AMZ1: variants seen among roughly 807,000 people sequenced by gnomAD.
AMZ1 encodes archaelysin family metallopeptidase 1, also known as archaemetzincin-1.
AMZ1 carries 39 observed loss-of-function variants against 29.9 expected under a neutral mutation model. That is an observed-to-expected ratio of 1.30 (90% CI 1.01 to 1.70). The LOEUF is 1.70. AMZ1 is among the 40% of genes most tolerant of loss of function. The pLI, the probability that AMZ1 is intolerant of heterozygous loss-of-function variation, is 0.00. For synonymous variants in AMZ1, 458 were observed against 304.0 expected, an observed-to-expected ratio of 1.51 and a Z score of -5.27; for missense variants, 1,041 against 680.6, an observed-to-expected ratio of 1.53 and a Z score of -5.89.
At chr7:2,703,127 G>C (rs1271219593) in intron 3 of AMZ1, among the ~76,000 whole-genome samples, 1 of 152,184 alleles carries the variant, frequency 6.6e-6, no homozygotes, top group East Asian at 1.9e-4. Flanking sequence ...AGCATGCAGA[G>C]CAGGAGAAGC....
At chr7:2,709,546 AG>A in intron 5 of AMZ1, 93 bp from the exon 6 acceptor site, 1 of 1,511,340 alleles carries the variant, frequency 6.6e-7, no homozygotes, top group Non-Finnish European at 8.8e-7. Context: ...GGCCTCACCC[AG>A]GTCCTCATTT....
At chr7:2,743,315 G>A (rs1790601586) in intron 4 of AMZ1, among the ~76,000 whole-genome samples, 1 of 152,176 alleles carries the variant, frequency 6.6e-6, no homozygotes, top group South Asian at 2.1e-4. Flanking sequence ...TTAGATGGAT[G>A]AACAGAACAG....
upstream of AMZ1, among the ~76,000 whole-genome samples, chr7:2,761,533 G>C (rs539828598): frequency 1.1e-3 from 169 of 152,316 alleles, no homozygotes; most frequent in African/African-American, 3.4e-3. Context: ...AGCTGGAACG[G>C]ACAGCATCGC....
intron 4 of AMZ1, among the ~76,000 whole-genome samples, chr7:2,739,552 CTT>C (rs1790393798): frequency 6.6e-6 from 1 of 152,166 alleles, no homozygotes; most frequent in Admixed American, 6.5e-5. Context: ...TTGATGAACA[CTT>C]TGTTTCCAGT....
At chr7:2,727,786 G>A (rs1583197183) in intron 4 of AMZ1, among the ~76,000 whole-genome samples, 1 of 152,128 alleles carries the variant, frequency 6.6e-6, no homozygotes, top group East Asian at 1.9e-4. Context: ...GGTGGCTCAT[G>A]CCTGTAATCC....
intron 4 of AMZ1, among the ~76,000 whole-genome samples, chr7:2,735,005 G>A (rs1358795665): frequency 6.6e-6 from 1 of 152,190 alleles, no homozygotes; most frequent in Non-Finnish European, 1.5e-5. Context: ...GAGGCCGGTG[G>A]GGCAGCCGCC....
At chr7:2,701,182 G>A (rs1002969842) in intron 2 of AMZ1, among the ~76,000 whole-genome samples, 5 of 152,004 alleles carry the variant, frequency 3.3e-5, no homozygotes, top group African/African-American at 1.2e-4. Flanking sequence ...AGTGAGCTGA[G>A]ATCATGCCAC....
At position 2,700,408 on chromosome 7, in the gene AMZ1, A is replaced by T; in HGVS notation, c.-44A>T. 2 of 1,571,430 alleles carry T rather than the reference A, an allele frequency of 1.3e-6. No homozygotes were observed. Among genetic ancestry groups the T allele is most frequent in the Non-Finnish European group, 1.7e-6 (2 of 1,163,858 alleles). ...GCCGTCCCCCGGGTGGCCCATGGAC[A>T]GCAGCAGGGGCTCCCAGGAGTGGCC... On this transcript the variant is annotated 5_prime_UTR_variant, in exon 2 of 7. Coordinates refer to ENST00000683327, the MANE Select transcript of AMZ1 (RefSeq NM_001384743.1).
In AMZ1 at chr7:2,708,622, AG is replaced by A. The variant is rs761516408; in HGVS notation, c.511del (p.Asp171ThrfsTer57). The A allele has an allele frequency of 6.2e-7, 1 of 1,613,056 alleles. No homozygotes were observed. Among genetic ancestry groups the A allele is most frequent in the South Asian group, 1.1e-5 (1 of 91,086 alleles). ...ILSFLKNNKP[G>X]DALCVLGLTL... Reference sequence around the variant, plus strand: ...TGTCCTTCTTGAAGAACAACAAGCCAGGGGACGCGCTGTGTGTGCTGGGCCT... The same window carrying A: ...TGTCCTTCTTGAAGAACAACAAGCCAGGGACGCGCTGTGTGTGCTGGGCCT... On this transcript the variant is annotated frameshift_variant, in exon 4 of 7. Transcript: ENST00000683327. LOFTEE classifies it high-confidence loss of function.
rs533616803 is a variant in AMZ1 at position 2,708,631 on chromosome 7, G to T, written c.516G>T (p.Ala172=). 3 of 1,613,058 alleles carry T rather than the reference G, an allele frequency of 1.9e-6. No individual in the cohort carries two copies. The highest frequency in any genetic ancestry group is 2.2e-5 in the South Asian group (2 of 91,082). ...TGAAGAACAACAAGCCAGGGGACGC[G>T]CTGTGTGTGCTGGGCCTCACACTGT... ...SFLKNNKPGD[A]LCVLGLTLSD... is the part of the protein sequence containing the mutation. The change falls in exon 4 of 7, where the codon GCG becomes GCT. Residue 172 remains alanine (A), a synonymous_variant. Transcript: ENST00000683327.
At position 2,719,197 on chromosome 7, in the gene AMZ1, G is replaced by A. The variant is rs1789307476; in HGVS notation, c.*6319G>A. Among the ~76,000 whole-genome samples the A allele has an allele frequency of 6.6e-6, 1 of 152,166 alleles. No individual in the cohort carries two copies. Among genetic ancestry groups the A allele is most frequent in the South Asian group, 2.1e-4 (1 of 4,822 alleles). On this transcript the variant is annotated 3_prime_UTR_variant, in exon 7 of 7. Transcript: ENST00000683327. The stretch of plus-strand genomic sequence containing the variant: ...CCAACCCAACTCCTCCGACAGAACG[G>A]CAGGTGGCCCCTGTCGGAAGGGGGG...
chr7:2,754,582 TA>T (rs34822125), intron 4 of AMZ1, among the ~76,000 whole-genome samples: 45,744 of 143,304 alleles, frequency 0.32, 6,954 homozygotes, highest in Middle Eastern at 0.41. Flanking sequence ...ATCTCTACTT[TA>T]AAAAAAAAAA....
chr7:2,716,350 T>G lies in AMZ1; in HGVS notation c.*3472T>G, dbSNP rs1789122011. ...GAGTGGGGAGAGGGGAGAAGCAGCA[T>G]CCTGACTCCTGTCCATGGTGTGAAC... On this transcript the variant is annotated 3_prime_UTR_variant, in exon 7 of 7. Coordinates refer to ENST00000683327, the MANE Select transcript of AMZ1 (RefSeq NM_001384743.1). 1 of 152,182 alleles carries G rather than the reference T, an allele frequency of 6.6e-6. No homozygotes were observed. The highest frequency in any genetic ancestry group is 2.4e-5 in the African/African-American group (1 of 41,408). The allele number at this position is 152,182 out of a possible 1,614,324, so 9.4% of individuals were successfully genotyped here.
chr7:2,731,654 T>A lies in AMZ1; in HGVS notation n.550+21838T>A, dbSNP rs769392159. The A allele has an allele frequency of 6.2e-7, 1 of 1,612,744 alleles. No individual in the cohort carries two copies. ...GACCGCTGGCCGCCCACATCCACCA[T>A]CTTAAAGGGGATCTTCTTAATAACG... is the stretch of plus-strand genomic sequence containing the variant. On this transcript the variant is annotated intron_variant and non_coding_transcript_variant, in intron 4 of 4. Transcript: ENST00000489665. This position sits in a 1 kb window ranked among gnomAD's most constrained non-coding sequence, Gnocchi z 6.0.
intron 4 of AMZ1, among the ~76,000 whole-genome samples, chr7:2,748,214 C>T (rs1363700373): frequency 6.6e-6 from 1 of 150,894 alleles, no homozygotes; most frequent in African/African-American, 2.4e-5. Flanking sequence ...CAATCCTAAG[C>T]CAAAAGAACA....
chr7:2,728,142 T>G (rs865894136), intron 4 of AMZ1: 2 of 152,264 alleles, frequency 1.3e-5, no homozygotes, highest in African/African-American at 4.8e-5. Flanking sequence ...TTTATTTTAA[T>G]AAACATTCAG....
intron 4 of AMZ1, among the ~76,000 whole-genome samples, chr7:2,745,841 G>C (rs1430075186): frequency 6.6e-6 from 1 of 152,106 alleles, no homozygotes; most frequent in Non-Finnish European, 1.5e-5. Flanking sequence ...CAAGCAAATG[G>C]AAAACAGAAA....
chr7:2,718,965 T>C lies in AMZ1; in HGVS notation c.*6087T>C, dbSNP rs879827628. The stretch of plus-strand genomic sequence containing the variant: ...GCTCCGGCCATTTATTCCAAATGTA[T>C]GAGCAGGAAGGAAAGAGGGAGGGAA... On this transcript the variant is annotated 3_prime_UTR_variant, in exon 7 of 7. Transcript: ENST00000683327. Among the ~76,000 whole-genome samples the C allele has an allele frequency of 1.3e-5, 2 of 150,818 alleles. No homozygotes were observed. The highest frequency in any genetic ancestry group is 2.9e-5 in the Non-Finnish European group (2 of 67,868).
intron 4 of AMZ1, among the ~76,000 whole-genome samples, chr7:2,742,339 G>C (rs1440273853): frequency 3.3e-5 from 5 of 152,128 alleles, no homozygotes; most frequent in African/African-American, 7.2e-5. Context: ...TTGAAGAAGA[G>C]GGCTGCCTCC....
Sources: allele counts gnomAD v4.1 joint callset (sites outside exome capture counted in the v4.1 genomes callset), GRCh38; gene constraint gnomAD v4.1.1; non-coding constraint Gnocchi (gnomAD v3.1); transcripts MANE v1.5; gene names NCBI Gene and HGNC (gene_info 2026-07-23, HGNC 2026-07-21).